Variants in MICAL3 observed in about 807,000 individuals in gnomAD.
MICAL3 encodes the protein [F-actin]-monooxygenase MICAL3.
In MICAL3, 62 loss-of-function variants were observed where a neutral mutation model predicts 207.4. The observed-to-expected ratio is 0.30, with a 90% CI of 0.24 to 0.37. The LOEUF is 0.37. MICAL3 is among the 10% of genes least tolerant of loss of function. MICAL3 has a pLI of 1.00. For missense variants in MICAL3, 2,368 were observed against 2,635.6 expected, an observed-to-expected ratio of 0.90 and a Z score of 2.22; for synonymous variants, 1,077 against 1,069.3, an observed-to-expected ratio of 1.01 and a Z score of -0.14.
At chr22:17,792,726 C>A (rs1049982917) in intron 29 of MICAL3, among the ~76,000 whole-genome samples, 2 of 152,346 alleles carry the variant, frequency 1.3e-5, no homozygotes, top group Admixed American at 6.5e-5. Flanking sequence ...AGTGCACATG[C>A]GGTTCTGCTC....
At chr22:17,979,537 T>G (rs1475497458) in intron 1 of MICAL3, among the ~76,000 whole-genome samples, 1 of 151,886 alleles carries the variant, frequency 6.6e-6, no homozygotes, top group Non-Finnish European at 1.5e-5. Flanking sequence ...AAGGTGAAAC[T>G]CCATCTCAAA....
At chr22:17,823,855 G>T (rs766935097) in intron 22 of MICAL3, among the ~76,000 whole-genome samples, 3 of 152,192 alleles carry the variant, frequency 2.0e-5, no homozygotes, top group Non-Finnish European at 2.9e-5. Flanking sequence ...TTTCTTTAGC[G>T]AGAAGTCTGA....
intron 1 of MICAL3, among the ~76,000 whole-genome samples, chr22:17,921,011 T>A (rs1396868878): frequency 6.6e-6 from 1 of 152,114 alleles, no homozygotes; most frequent in Non-Finnish European, 1.5e-5. Context: ...CAAAGATGAC[T>A]CCCTCGCATT....
chr22:17,879,245 A>AG (rs1929188752), intron 16 of MICAL3: 3 of 963,986 alleles, frequency 3.1e-6, no homozygotes, highest in African/African-American at 3.3e-5. Context: ...AAGCAAGGGG[A>AG]GGGGGCCGTC....
chr22:17,976,102 C>G (rs80200922), intron 1 of MICAL3, among the ~76,000 whole-genome samples: 2 of 151,924 alleles, frequency 1.3e-5, no homozygotes, highest in Non-Finnish European at 2.9e-5. Flanking sequence ...AGACGGCCAA[C>G]AGAACATCAG....
At chr22:17,969,759 G>T (rs749235238) in intron 1 of MICAL3, among the ~76,000 whole-genome samples, 6 of 152,244 alleles carry the variant, frequency 3.9e-5, no homozygotes, top group Non-Finnish European at 8.8e-5. Context: ...CAGAACAGCT[G>T]TGAGAAGCGC....
rs201963261 is a variant in MICAL3, at chr22:17,818,908, G to C, written c.3753C>G (p.Ser1251=). The C allele has an allele frequency of 1.7e-5, 26 of 1,565,834 alleles. No individual in the cohort carries two copies. The highest frequency in any genetic ancestry group is 2.2e-5 in the Non-Finnish European group (26 of 1,155,826). ...TGGGGAGTGGGCTGGGTGGGGGCGT[G>C]GAGGCCGCCACGGGTGGCTGGGGCT... ...SPQPQPPVAA[S]TPPPSPLPIC... Residue 1251 remains serine, a synonymous_variant, in exon 26 of 32, where the codon TCC becomes TCG. Transcript: ENST00000441493.
In MICAL3 at chr22:17,897,422, CAAAAAAAAA is replaced by C. The variant is rs71754131; in HGVS notation, c.949-450_949-442del. On this transcript the variant is annotated intron_variant, in intron 7 of 31. Transcript: ENST00000441493. Reference sequence around the variant, plus strand: ...TAGGTGACAGAGTGAGACTCCAACTCAAAAAAAAAAAAAAAAAAAAAAAGAGGGGTTTGG... The same window carrying C: ...TAGGTGACAGAGTGAGACTCCAACTCAAAAAAAAAAAAAAGAGGGGTTTGG... Among the ~76,000 whole-genome samples, 17 of 41,812 alleles carry C rather than the reference CAAAAAAAAA, an allele frequency of 4.1e-4. No individual in the cohort carries two copies. In the Admixed American group the frequency reaches 4.5e-3, roughly 11 times the overall value. 27.4% of individuals were successfully genotyped at this position (41,812 alleles called of 152,430 possible). A position where few individuals can be genotyped will look rare whatever the true frequency, so the allele number is the denominator to read the frequency against.
intron 17 of MICAL3, among the ~76,000 whole-genome samples, chr22:17,871,425 G>T (rs75775978): frequency 0.01 from 1,575 of 152,282 alleles, 13 homozygotes; most frequent in Non-Finnish European, 0.017. Flanking sequence ...GAACCCAGGG[G>T]CCTGAGACCC....
chr22:17,997,243 T>G lies in MICAL3; in HGVS notation c.-75+27038A>C, dbSNP rs143344509. ...CACGCCCAGCTAATTTTTGTACTTT[T>G]TGTAGAGATGGGGTTTAGCTATGTT... On this transcript the variant is annotated intron_variant, in intron 1 of 31. Transcript: ENST00000441493. Among the ~76,000 whole-genome samples the G allele has an allele frequency of 7.8e-3, 1,189 of 152,064 alleles. 9 individuals are homozygous for G. The highest frequency in any genetic ancestry group is 0.017 in the Middle Eastern group (5 of 294).
intron 1 of MICAL3, among the ~76,000 whole-genome samples, chr22:18,007,922 CAAAAAAAAAAAA>C (rs60544257): frequency 0.27 from 10,101 of 37,740 alleles, 550 homozygotes; most frequent in Middle Eastern, 0.43. Flanking sequence ...GACTCCATCT[CAAAAAAAAAAAA>C]AAAAAAAAAA....
chr22:17,820,971 T>TGTTTATAAACATAA (rs1921565373), intron 25 of MICAL3, among the ~76,000 whole-genome samples: 1 of 142,714 alleles, frequency 7.0e-6, no homozygotes, highest in Admixed American at 6.9e-5. Context: ...AATAAATTTA[T>TGTTTATAAACATAA]ATTTATAAAC....
At chr22:17,853,841 T>A (rs1925602504) in intron 19 of MICAL3, among the ~76,000 whole-genome samples, 1 of 152,264 alleles carries the variant, frequency 6.6e-6, no homozygotes, top group Admixed American at 6.5e-5. Flanking sequence ...TCTCTGCTTT[T>A]ATTTTGCAGG....
intron 16 of MICAL3, chr22:17,876,772 TTATGGAGGTTAG>T (rs1438590632): frequency 5.1e-5 from 7 of 137,378 alleles, no homozygotes; most frequent in Non-Finnish European, 1.1e-4. Context: ...GTTAGGGAAG[TTATGGAGGTTAG>T]GGAGGTTAGG....
chr22:17,975,973 C>T (rs1051924992), intron 1 of MICAL3, among the ~76,000 whole-genome samples: 4 of 151,872 alleles, frequency 2.6e-5, no homozygotes, highest in Non-Finnish European at 5.9e-5. Flanking sequence ...TCGCTAGAAC[C>T]GGGAGGCAGA....
intron 1 of MICAL3, among the ~76,000 whole-genome samples, chr22:17,911,942 T>G (rs1453982721): frequency 1.3e-5 from 2 of 152,230 alleles, no homozygotes; most frequent in African/African-American, 4.8e-5. Context: ...CTGTCTTCCT[T>G]CAACATAGGC....
intron 9 of MICAL3, 70 bp from the exon 10 acceptor site, chr22:17,895,480 T>C: frequency 1.9e-6 from 3 of 1,565,068 alleles, no homozygotes; most frequent in South Asian, 2.3e-5. Flanking sequence ...GTTTCATGAT[T>C]GTTCTGACAG....
chr22:17,827,969 A>G (rs555011872), intron 21 of MICAL3, among the ~76,000 whole-genome samples, 188 bp from the exon 22 acceptor site: 1 of 152,140 alleles, frequency 6.6e-6, no homozygotes, highest in Admixed American at 6.5e-5. Context: ...ATGGACACAC[A>G]GACACACACG....
Position 17,887,762 on chromosome 22 carries a change from C to T in MICAL3, c.1892-327G>A, listed in dbSNP as rs117327624. On this transcript the variant is annotated intron_variant, in intron 13 of 31. Coordinates refer to ENST00000441493, the MANE Select transcript of MICAL3 (RefSeq NM_015241.3). ...TAGTTACAGCAGAGTGCTGAAGGCT[C>T]GTTTTTGTGACAAAAATTTCAGGAC... Among the ~76,000 whole-genome samples the T allele has an allele frequency of 3.3e-5, 5 of 152,260 alleles. No individual in the cohort carries two copies. The East Asian group carries it at 9.6e-4, about 29-fold the overall frequency.
Sources: gnomAD v4.1 joint callset for allele counts (sites outside exome capture counted in the v4.1 genomes callset) on GRCh38, gnomAD v4.1.1 for gene constraint, MANE v1.5 for transcripts, NCBI Gene and HGNC (gene_info 2026-07-23, HGNC 2026-07-21) for gene names.